JAKMIP3: variants seen among roughly 807,000 people sequenced by gnomAD.
JAKMIP3 encodes Janus kinase and microtubule interacting protein 3, also known as janus kinase and microtubule-interacting protein 3.
In JAKMIP3, 58 loss-of-function variants were observed where a neutral mutation model predicts 118.5. That is an observed-to-expected ratio of 0.49 (90% CI 0.40 to 0.61). JAKMIP3 has a LOEUF of 0.61. JAKMIP3 is among the 20% of genes least tolerant of loss of function. The pLI is 0.00. For missense variants in JAKMIP3, 950 were observed against 1,109.0 expected (o/e 0.86, Z 2.04); for synonymous variants, 486 against 451.2 (o/e 1.08, Z -0.98).
chr10:132,116,047 GCGTGT>G (rs2047593469), intron 2 of JAKMIP3, among the ~76,000 whole-genome samples: 1 of 152,248 alleles, frequency 6.6e-6, no homozygotes, highest in Non-Finnish European at 1.5e-5. Flanking sequence ...GACCCCCACA[GCGTGT>G]CCTCCCTTAA....
chr10:132,079,139 T>TGGCCTGGGAGCGGAC (rs575023422), intron 1 of JAKMIP3, among the ~76,000 whole-genome samples: 1,686 of 139,782 alleles, frequency 0.012, 27 homozygotes, highest in African/African-American at 0.036. Flanking sequence ...CGTGGGCACC[T>TGGCCTGGGAGCGGAC]GGCCTGGGAG....
intron 1 of JAKMIP3, among the ~76,000 whole-genome samples, chr10:132,040,615 A>G (rs2037710948): frequency 6.7e-6 from 1 of 149,886 alleles, no homozygotes; most frequent in African/African-American, 2.5e-5. Flanking sequence ...AATCCTTTAC[A>G]ATTGTGAACC....
intron 20 of JAKMIP3, 121 bp downstream of exon 20, chr10:132,163,533 TG>T: frequency 1.2e-6 from 1 of 832,992 alleles, no homozygotes; most frequent in Non-Finnish European, 1.9e-6. Flanking sequence ...CACCCTCCAG[TG>T]GCCACACCCC....
At chr10:132,140,676 C>G in intron 10 of JAKMIP3, 97 bp downstream of exon 10, 1 of 1,460,746 alleles carries the variant, frequency 6.8e-7, no homozygotes, top group South Asian at 1.4e-5. Context: ...GGTCTCCTGC[C>G]GGGTCCTGGG....
At chr10:132,096,828 G>C (rs1239230556) in intron 1 of JAKMIP3, among the ~76,000 whole-genome samples, 1 of 152,196 alleles carries the variant, frequency 6.6e-6, no homozygotes, top group Non-Finnish European at 1.5e-5. Flanking sequence ...TGACGCCATG[G>C]CAGGGTCCCT....
At chr10:132,043,303 C>G (rs935534690) in intron 1 of JAKMIP3, among the ~76,000 whole-genome samples, 1 of 152,120 alleles carries the variant, frequency 6.6e-6, no homozygotes, top group Non-Finnish European at 1.5e-5. Flanking sequence ...CTCCCAGGCT[C>G]AAGTGATCCT....
At chr10:132,050,027 C>G (rs1363546762) in intron 1 of JAKMIP3, among the ~76,000 whole-genome samples, 2 of 152,176 alleles carry the variant, frequency 1.3e-5, no homozygotes, top group African/African-American at 4.8e-5. Flanking sequence ...TATTTTGTCT[C>G]TCAGGACCTT....
intron 19 of JAKMIP3, 121 bp downstream of exon 19, chr10:132,154,111 G>GCCCCTAATGA: frequency 1.3e-6 from 1 of 777,526 alleles, no homozygotes; most frequent in Non-Finnish European, 2.1e-6. Context: ...GCCCCTAATG[G>GCCCCTAATGA]CCCCTAATGA....
intron 4 of JAKMIP3, among the ~76,000 whole-genome samples, chr10:132,134,152 A>G (rs2051246840): frequency 6.6e-6 from 1 of 152,146 alleles, no homozygotes; most frequent in East Asian, 1.9e-4. Flanking sequence ...TGGTTCTGGG[A>G]TGCGCTGGGG....
chr10:132,180,546 C>CGTGTGTGCGTGTGTGCGTGT (rs1272765694), intron 23 of JAKMIP3, among the ~76,000 whole-genome samples: 1 of 15,966 alleles, frequency 6.3e-5, no homozygotes, highest in African/African-American at 3.8e-4. Context: ...TGTGTGTGTG[C>CGTGTGTGCGTGTGTGCGTGT]GTGCGTGCAT....
intron 10 of JAKMIP3, 39 bp from the exon 11 acceptor site, chr10:132,141,881 C>G: frequency 6.3e-7 from 1 of 1,574,820 alleles, no homozygotes; most frequent in Non-Finnish European, 8.6e-7. Context: ...GCTACTGACA[C>G]TGTGTCTCTG....
intron 4 of JAKMIP3, among the ~76,000 whole-genome samples, chr10:132,134,180 C>A (rs771921776): frequency 1.1e-4 from 17 of 152,184 alleles, no homozygotes; most frequent in Non-Finnish European, 2.4e-4. Context: ...AGTCCAGGGA[C>A]CCTCCAGCTG....
chr10:132,162,168 C>T (rs1443605877), intron 19 of JAKMIP3, among the ~76,000 whole-genome samples: 1 of 152,162 alleles, frequency 6.6e-6, no homozygotes, highest in South Asian at 2.1e-4. Context: ...TGACTGGTTC[C>T]TCCTGGGGCA....
intron 3 of JAKMIP3, among the ~76,000 whole-genome samples, chr10:132,131,486 A>G (rs955576675): frequency 1.1e-4 from 17 of 150,788 alleles, no homozygotes; most frequent in Non-Finnish European, 2.5e-4. Flanking sequence ...GGGAGATGGG[A>G]GCTCTGGGGC....
At chr10:132,071,912 T>TTCTTTCTTTCCTTTCTTC (rs2040010071) in intron 1 of JAKMIP3, among the ~76,000 whole-genome samples, 4 of 23,646 alleles carry the variant, frequency 1.7e-4, no homozygotes, top group African/African-American at 1.2e-3. Context: ...TTCCCTTCCT[T>TTCTTTCTTTCCTTTCTTC]CCTTCCTTTC....
chr10:132,129,332 A>G (rs2050160748), intron 3 of JAKMIP3, among the ~76,000 whole-genome samples: 1 of 152,184 alleles, frequency 6.6e-6, no homozygotes, highest in Non-Finnish European at 1.5e-5. Context: ...ATGTGCAGCC[A>G]CTTACATTTC....
chr10:132,163,247 G>A lies in JAKMIP3; in HGVS notation c.2259G>A (p.Leu753=), dbSNP rs756344298. ...LELEAMLYDA[L]QQEAGAKVAE... ...TGGAAGCCATGCTGTATGATGCCCT[G>A]CAGCAGGAGGCCGGGGCTAAGGTGG... is the stretch of plus-strand genomic sequence containing the variant. The change falls in exon 20 of 24, where the codon CTG becomes CTA. Residue 753 remains leucine (L), a synonymous_variant. Coordinates refer to ENST00000684848, the MANE Select transcript of JAKMIP3 (RefSeq NM_001323087.2). The A allele has an allele frequency of 3.2e-6, 5 of 1,577,440 alleles. No individual in the cohort carries two copies. The highest frequency in any genetic ancestry group is 3.4e-6 in the Non-Finnish European group (4 of 1,162,252).
In JAKMIP3 at chr10:132,144,070, C is replaced by T. The variant is rs982578793; in HGVS notation, c.1603-1037C>T. On this transcript the variant is annotated intron_variant, in intron 11 of 23. Transcript: ENST00000684848. ...CCCCCCACCCCGGCTGATGGATCCTCTGACCCTGCGTCCTGTCCCGAAACG... is the reference window on the plus strand; with the variant it reads ...CCCCCCACCCCGGCTGATGGATCCTTTGACCCTGCGTCCTGTCCCGAAACG... 4 of 149,458 alleles carry T rather than the reference C, an allele frequency of 2.7e-5. No individual in the cohort carries two copies. In the East Asian group the frequency reaches 8.0e-4, roughly 30 times the overall value. 9.3% of individuals were successfully genotyped at this position (149,458 alleles called of 1,614,324 possible). A position where few individuals can be genotyped will look rare whatever the true frequency, so the allele number is the denominator to read the frequency against.
chr10:132,054,530 G>A (rs903603356), intron 1 of JAKMIP3, among the ~76,000 whole-genome samples: 2 of 152,154 alleles, frequency 1.3e-5, no homozygotes, highest in Admixed American at 1.3e-4. Context: ...CAGGTGGGGT[G>A]TGTATGAGTC....
Sources: gnomAD v4.1 joint callset for allele counts (sites outside exome capture counted in the v4.1 genomes callset) on GRCh38, gnomAD v4.1.1 for gene constraint, MANE v1.5 for transcripts, NCBI Gene and HGNC (gene_info 2026-07-23, HGNC 2026-07-21) for gene names.